Variants in TENM3 observed in about 807,000 individuals in gnomAD.
The protein encoded by TENM3 is teneurin transmembrane protein 3, also known as teneurin-3.
TENM3 carries 63 observed loss-of-function variants against 255.1 expected under a neutral mutation model. The ratio of observed to expected loss-of-function variants is 0.25; its 90% CI spans 0.20 to 0.30. TENM3 has a LOEUF of 0.30. Among genes scored for constraint, TENM3 ranks in the 10% least tolerant of loss-of-function variants. TENM3 has a pLI of 1.00. For missense variants in TENM3, 2,929 were observed against 3,461.1 expected, an observed-to-expected ratio of 0.85 and a Z score of 3.86; for synonymous variants, 1,306 against 1,322.3, an observed-to-expected ratio of 0.99 and a Z score of 0.27.
chr4:181,564,613 G>C, the TENM3 span, among the ~76,000 whole-genome samples: 1 of 152,058 alleles, frequency 6.6e-6, no homozygotes, highest in East Asian at 1.9e-4. Context: ...ACATGAAAAG[G>C]GGTCTTCGTC....
At chr4:181,892,229 A>C in the TENM3 span, among the ~76,000 whole-genome samples, 1 of 152,170 alleles carries the variant, frequency 6.6e-6, no homozygotes, top group East Asian at 1.9e-4. Flanking sequence ...TCTGAAGTCA[A>C]CTTTATTGCA....
intron 22 of TENM3, among the ~76,000 whole-genome samples, chr4:182,756,202 A>T (rs1162896912): frequency 1.3e-5 from 2 of 152,246 alleles, no homozygotes; most frequent in Non-Finnish European, 2.9e-5. Context: ...TGTAATCGTT[A>T]CCAGAGAAGC....
In TENM3 at chr4:182,623,249, G is replaced by A. The variant is rs559370878; in HGVS notation, c.750-5402G>A. Among the ~76,000 whole-genome samples the A allele has an allele frequency of 3.3e-5, 5 of 151,886 alleles. No individual in the cohort carries two copies. The South Asian group carries it at 8.3e-4, about 25-fold the overall frequency. On this transcript the variant is annotated intron_variant, in intron 4 of 27. Transcript: ENST00000511685. ...AAGATGGTCTCGATTTCCTGACCTT[G>A]TGATCCACCTGTCCCCGCCTCCCTA...
chr4:182,724,603 C>T (rs1760018626), intron 13 of TENM3, among the ~76,000 whole-genome samples: 1 of 152,120 alleles, frequency 6.6e-6, no homozygotes. Flanking sequence ...AGTTTTATGA[C>T]CTGCAGACTA....
At chr4:182,591,860 A>C (rs889664105) in intron 3 of TENM3, among the ~76,000 whole-genome samples, 2 of 152,212 alleles carry the variant, frequency 1.3e-5, no homozygotes, top group Non-Finnish European at 1.5e-5. Flanking sequence ...CGAAAGGAAA[A>C]GAAAACCCCT....
chr4:182,761,656 C>T (rs888327949), intron 22 of TENM3, among the ~76,000 whole-genome samples: 1 of 152,072 alleles, frequency 6.6e-6, no homozygotes, highest in Non-Finnish European at 1.5e-5. Context: ...GGTGCTCAGC[C>T]ACCTGCTTTA....
At chr4:181,622,819 T>C in the TENM3 span, among the ~76,000 whole-genome samples, 1 of 152,174 alleles carries the variant, frequency 6.6e-6, no homozygotes, top group Admixed American at 6.5e-5. Flanking sequence ...TCCCTTTCTC[T>C]GGTACTTTCC....
chr4:182,330,722 G>A (rs6840560), intron 2 of TENM3, among the ~76,000 whole-genome samples: 70,339 of 152,094 alleles, frequency 0.46, 16,737 homozygotes, highest in Admixed American at 0.61. Context: ...TAGAATCATG[G>A]CCTCCGAAGA....
chr4:182,546,684 A>G (rs1273284909), intron 3 of TENM3, among the ~76,000 whole-genome samples: 1 of 152,168 alleles, frequency 6.6e-6, no homozygotes, highest in African/African-American at 2.4e-5. Flanking sequence ...TTTATTCTCC[A>G]AGCAACTGAA....
the TENM3 span, among the ~76,000 whole-genome samples, chr4:181,518,829 T>C: frequency 7.2e-5 from 11 of 152,058 alleles, no homozygotes; most frequent in Non-Finnish European, 1.5e-4. Context: ...AATGACAGAG[T>C]TCTGTGGATC....
chr4:182,565,552 C>T (rs1743691569), intron 3 of TENM3, among the ~76,000 whole-genome samples: 1 of 152,102 alleles, frequency 6.6e-6, no homozygotes, highest in South Asian at 2.1e-4. Flanking sequence ...CAGGAATGAC[C>T]TTAATTATTG....
At chr4:182,100,738 T>TATATACAC in the TENM3 span, among the ~76,000 whole-genome samples, 1 of 101,010 alleles carries the variant, frequency 9.9e-6, no homozygotes, top group African/African-American at 3.6e-5. Flanking sequence ...TATATACACA[T>TATATACAC]ATATATACAC....
the TENM3 span, among the ~76,000 whole-genome samples, chr4:182,078,530 A>C: frequency 6.6e-6 from 1 of 150,840 alleles, no homozygotes; most frequent in Non-Finnish European, 1.5e-5. Flanking sequence ...TCAAAAACAA[A>C]ACAAAAACAA....
At chr4:182,140,993 C>A (rs1487778226), upstream of TENM3, among the ~76,000 whole-genome samples, 4 of 149,542 alleles carry the variant, frequency 2.7e-5, no homozygotes, top group African/African-American at 9.9e-5. Context: ...ATATCCCTCC[C>A]CCCCGCCCCC....
the TENM3 span, among the ~76,000 whole-genome samples, chr4:182,020,062 T>C: frequency 6.6e-6 from 1 of 152,070 alleles, no homozygotes; most frequent in East Asian, 1.9e-4. Flanking sequence ...CGTATTTGGC[T>C]GTGTTTTAAG....
At chr4:181,708,847 G>T in the TENM3 span, among the ~76,000 whole-genome samples, 1 of 152,184 alleles carries the variant, frequency 6.6e-6, no homozygotes. Flanking sequence ...TGCCACGTTT[G>T]CAGTCAGCAA....
chr4:182,153,855 G>A (rs1750511998), intron 1 of TENM3, among the ~76,000 whole-genome samples: 1 of 152,112 alleles, frequency 6.6e-6, no homozygotes, highest in African/African-American at 2.4e-5. Context: ...TAAATGTGAT[G>A]TAAGACGTGT....
intron 14 of TENM3, 134 bp downstream of exon 14, chr4:182,729,315 T>C: frequency 1.3e-6 from 1 of 763,546 alleles, no homozygotes; most frequent in Non-Finnish European, 2.1e-6. Flanking sequence ...TTTCTGCAGA[T>C]TCTTCACCAA....
chr4:182,177,910 A>G (rs1219794052), intron 1 of TENM3, among the ~76,000 whole-genome samples: 2 of 151,422 alleles, frequency 1.3e-5, no homozygotes, highest in Non-Finnish European at 2.9e-5. Flanking sequence ...TGGGCAAAAG[A>G]CGAAAAGTCA....
Sources: gnomAD v4.1 joint callset for allele counts (sites outside exome capture counted in the v4.1 genomes callset) on GRCh38, gnomAD v4.1.1 for gene constraint, MANE v1.5 for transcripts, NCBI Gene and HGNC (gene_info 2026-07-23, HGNC 2026-07-21) for gene names.